Variants in RASA3 observed in about 807,000 individuals in gnomAD.
RASA3 encodes the protein ras GTPase-activating protein 3.
In RASA3, 73 loss-of-function variants were observed where a neutral mutation model predicts 110.0. The observed-to-expected ratio is 0.66, with a 90% CI of 0.55 to 0.81. RASA3 has a LOEUF of 0.81. Among genes scored for constraint, RASA3 ranks in the 30% least tolerant of loss-of-function variants. The pLI is 0.00. For missense variants in RASA3, 976 were observed against 1,113.2 expected (o/e 0.88, Z 1.75); for synonymous variants, 500 against 451.4 (o/e 1.11, Z -1.37).
intron 2 of RASA3, among the ~76,000 whole-genome samples, chr13:114,054,991 C>T (rs1411656311): frequency 6.6e-6 from 1 of 151,590 alleles, no homozygotes; most frequent in Non-Finnish European, 1.5e-5. Context: ...GGTGTGTGCA[C>T]GTGTGTGCCC....
chr13:114,052,379 T>C (rs1025833157), intron 2 of RASA3, among the ~76,000 whole-genome samples: 2 of 152,204 alleles, frequency 1.3e-5, no homozygotes, highest in Non-Finnish European at 1.5e-5. Flanking sequence ...ACTTCTGTAC[T>C]GGGCTGCCTG....
At chr13:114,116,216 A>C (rs1345203556) in intron 1 of RASA3, among the ~76,000 whole-genome samples, 1 of 152,168 alleles carries the variant, frequency 6.6e-6, no homozygotes. Context: ...GTCATCACAG[A>C]CACCCCTCCC....
intron 1 of RASA3, chr13:114,107,680 C>A (rs9314890): frequency 0.55 from 84,144 of 152,210 alleles, 23,590 homozygotes; most frequent in East Asian, 0.76. Context: ...GACGTCCCCC[C>A]CCATGGCTAT....
rs543868274 is a variant in RASA3 at position 114,105,444 on chromosome 13, G to A, written c.55+26991C>T. Among the ~76,000 whole-genome samples, 16 of 152,310 alleles carry A rather than the reference G, an allele frequency of 1.1e-4. 1 individual carries two copies. In the East Asian group the frequency reaches 2.9e-3, roughly 28 times the overall value. On this transcript the variant is annotated intron_variant, in intron 1 of 23. Transcript: ENST00000334062. ...GTACCCCCAAATTTATGAGGAGCCC[G>A]GCTTTGGGAGGGGACACCTAGGGGA... is the stretch of plus-strand genomic sequence containing the variant.
At chr13:114,129,164 C>T (rs1320589631) in intron 1 of RASA3, among the ~76,000 whole-genome samples, 2 of 152,236 alleles carry the variant, frequency 1.3e-5, no homozygotes, top group Admixed American at 1.3e-4. Context: ...AAGTCCGAAG[C>T]ACAGGCTTCC....
chr13:114,031,875 T>C (rs1384764578), intron 4 of RASA3, among the ~76,000 whole-genome samples: 2 of 152,140 alleles, frequency 1.3e-5, no homozygotes, highest in Non-Finnish European at 2.9e-5. Flanking sequence ...CGCTAAGACG[T>C]GGACGGCAGA....
At chr13:114,046,741 T>C (rs1299306660) in intron 3 of RASA3, among the ~76,000 whole-genome samples, 1 of 152,158 alleles carries the variant, frequency 6.6e-6, no homozygotes, top group Non-Finnish European at 1.5e-5. Context: ...TCCCGCCTCC[T>C]ACCTCAGATG....
In RASA3 at chr13:114,015,235, C is replaced by T. The variant is rs146927253; in HGVS notation, c.1379G>A (p.Arg460Gln). ...CTGGAAGCGCTTGGCCGCCGCCTCC[C>T]GGAGGGAGAAGAAGATGTCACACAT... ...TVMCDIFFSL[R>Q]EAAAKRFQDD... The change falls in exon 14 of 24, where the codon CGG becomes CAG. Residue 460 changes from arginine to glutamine, a missense_variant. This residue lies in a region of RASA3 where 732 missense variants were observed against 779.7 expected (regional missense o/e 0.94). Coordinates refer to ENST00000334062, the MANE Select transcript of RASA3 (RefSeq NM_007368.4). 4.3e-6 allele frequency: 7 copies of T among 1,613,000 alleles called. No individual in the cohort carries two copies. The Admixed American group carries it at 5.0e-5, about 12-fold the overall frequency.
At chr13:113,999,758 C>A in intron 19 of RASA3, 91 bp from the exon 20 acceptor site, 1 of 732,522 alleles carries the variant, frequency 1.4e-6, no homozygotes, top group Non-Finnish European at 2.1e-6. Context: ...GGGGGGTCTC[C>A]CAGGGGGTCT....
chr13:114,104,666 A>G (rs1280451279), intron 1 of RASA3, among the ~76,000 whole-genome samples: 2 of 152,176 alleles, frequency 1.3e-5, no homozygotes, highest in Admixed American at 6.5e-5. Context: ...TGGCGTCTCA[A>G]TGGCACCTTC....
chr13:114,124,438 G>A (rs979732274), intron 1 of RASA3, among the ~76,000 whole-genome samples: 7 of 152,320 alleles, frequency 4.6e-5, no homozygotes, highest in South Asian at 4.1e-4. Flanking sequence ...ACTCACTTCC[G>A]GGGATCCAGG....
intron 4 of RASA3, among the ~76,000 whole-genome samples, chr13:114,038,930 G>A (rs1156269560): frequency 1.3e-5 from 2 of 152,214 alleles, no homozygotes; most frequent in African/African-American, 2.4e-5. Flanking sequence ...CCTATTTTGG[G>A]GATTTGTCCA....
At chr13:114,034,551 C>T (rs150041350) in intron 4 of RASA3, among the ~76,000 whole-genome samples, 2 of 152,340 alleles carry the variant, frequency 1.3e-5, no homozygotes, top group Non-Finnish European at 2.9e-5. Flanking sequence ...GCATGAATCC[C>T]TCCTGACCAG....
At chr13:114,005,240 G>A (rs1306810703) in intron 18 of RASA3, among the ~76,000 whole-genome samples, 1 of 152,226 alleles carries the variant, frequency 6.6e-6, no homozygotes, top group Non-Finnish European at 1.5e-5. Context: ...TGCCCGACAT[G>A]TTGGCAAACA....
chr13:114,050,270 C>T (rs987756185), intron 3 of RASA3, among the ~76,000 whole-genome samples: 1 of 152,234 alleles, frequency 6.6e-6, no homozygotes, highest in Non-Finnish European at 1.5e-5. Context: ...CACAGCAAGA[C>T]CCTGAAGGGG....
chr13:113,982,695 G>C lies in RASA3; in HGVS notation c.2246-837C>G, dbSNP rs572650048. ...GAATGTTTGTGCCCCCAAATCTGTGGGTTGAAATCCTAACTCTCAAGGGAT... is the reference window on the plus strand; with the variant it reads ...GAATGTTTGTGCCCCCAAATCTGTGCGTTGAAATCCTAACTCTCAAGGGAT... On this transcript the variant is annotated intron_variant, in intron 22 of 23. Transcript: ENST00000334062. Among the ~76,000 whole-genome samples the C allele has an allele frequency of 2.0e-5, 3 of 152,378 alleles. No individual in the cohort carries two copies. The South Asian group carries it at 6.2e-4, about 32-fold the overall frequency.
chr13:114,024,895 C>T (rs1042359803), intron 7 of RASA3, among the ~76,000 whole-genome samples: 1 of 151,682 alleles, frequency 6.6e-6, no homozygotes, highest in African/African-American at 2.4e-5. Flanking sequence ...CCTCCTGACA[C>T]CTCCGCACCG....
intron 1 of RASA3, among the ~76,000 whole-genome samples, chr13:114,120,890 G>C (rs868067421): frequency 5.8e-4 from 89 of 152,200 alleles, no homozygotes; most frequent in African/African-American, 2.1e-3. Flanking sequence ...ACAGATCTAA[G>C]AGGATCAAGA....
chr13:114,128,647 G>A (rs1292918004), intron 1 of RASA3, among the ~76,000 whole-genome samples: 1 of 152,260 alleles, frequency 6.6e-6, no homozygotes, highest in African/African-American at 2.4e-5. Flanking sequence ...CCACAGGCCT[G>A]CAGGCACCAG....
Sources: gnomAD v4.1 joint callset for allele counts (sites outside exome capture counted in the v4.1 genomes callset) on GRCh38, gnomAD v4.1.1 for gene constraint, gnomAD v4.1.1 regional missense constraint, MANE v1.5 for transcripts, NCBI Gene and HGNC (gene_info 2026-07-23, HGNC 2026-07-21) for gene names.